CNIH3: variants seen among roughly 807,000 people sequenced by gnomAD.
CNIH3 encodes the protein protein cornichon homolog 3.
CNIH3 carries 14 observed loss-of-function variants against 24.1 expected under a neutral mutation model. That is an observed-to-expected ratio of 0.58 (90% confidence interval 0.38 to 0.91). The LOEUF is 0.91. Among genes scored for constraint, CNIH3 ranks in the 40% least tolerant of loss-of-function variants. CNIH3 has a pLI of 0.00. For synonymous variants in CNIH3, 68 were observed against 73.8 expected (o/e 0.92, Z 0.40); for missense variants, 178 against 196.8 (o/e 0.90, Z 0.57).
chr1:224,669,901 A>G (rs1408120274), intron 1 of CNIH3, among the ~76,000 whole-genome samples: 2 of 152,166 alleles, frequency 1.3e-5, no homozygotes, highest in Non-Finnish European at 2.9e-5. Flanking sequence ...GCCGACTTGC[A>G]TGGTATGTGT....
chr1:224,708,500 C>T lies in CNIH3; in HGVS notation c.199-21962C>T, dbSNP rs968484892. On this transcript the variant is annotated intron_variant, in intron 3 of 5. Transcript: ENST00000272133. ...ATTCTGGAAAGAGTCCCTTGCACTC[C>T]CCGCCTGCGCTTCCTGACTCCTACG... is the stretch of plus-strand genomic sequence containing the variant. Among the ~76,000 whole-genome samples the T allele has an allele frequency of 5.8e-4, 89 of 152,156 alleles. 2 individuals are homozygous for T. The highest frequency in any genetic ancestry group is 2.1e-3 in the African/African-American group (87 of 41,416).
intron 1 of CNIH3, among the ~76,000 whole-genome samples, chr1:224,656,091 G>A (rs904144438): frequency 6.6e-6 from 1 of 152,158 alleles, no homozygotes; most frequent in Non-Finnish European, 1.5e-5. Flanking sequence ...GGCAGTTTCA[G>A]TCCCTCCCCT....
At chr1:224,735,110 C>G (rs1054753596) in intron 5 of CNIH3, among the ~76,000 whole-genome samples, 3 of 152,134 alleles carry the variant, frequency 2.0e-5, no homozygotes, top group Non-Finnish European at 2.9e-5. Context: ...GTCCCTTGCC[C>G]CAAGGATTCT....
intron 2 of CNIH3, among the ~76,000 whole-genome samples, chr1:224,522,618 C>T (rs1572407920): frequency 6.6e-6 from 1 of 152,186 alleles, no homozygotes; most frequent in Non-Finnish European, 1.5e-5. Flanking sequence ...AAGAGATTGA[C>T]AGGGCATTTC....
rs556177080 is a variant in CNIH3 at position 224,549,688 on chromosome 1, G to A, written n.450+2749G>A. Among the ~76,000 whole-genome samples, 4 of 152,096 alleles carry A rather than the reference G, an allele frequency of 2.6e-5. No individual in the cohort carries two copies. In the South Asian group the frequency reaches 8.3e-4, roughly 32 times the overall value. ...TGATATTTCACTAATACCACAGGGT[G>A]TAAACACTGGATATTATAAAACTAT... On this transcript the variant is annotated intron_variant and non_coding_transcript_variant, in intron 3 of 5. Transcript: ENST00000471578.
At chr1:224,738,047 A>G (rs1014495099) in intron 5 of CNIH3, among the ~76,000 whole-genome samples, 3 of 152,040 alleles carry the variant, frequency 2.0e-5, no homozygotes, top group African/African-American at 7.2e-5. Context: ...CTCTCCATCT[A>G]TGTTATTTAT....
chr1:224,556,383 C>G (rs1438486536), intron 3 of CNIH3, among the ~76,000 whole-genome samples: 1 of 152,112 alleles, frequency 6.6e-6, no homozygotes, highest in Non-Finnish European at 1.5e-5. Flanking sequence ...GTAATAGTAC[C>G]CGCTTCATAG....
chr1:224,487,708 C>T (rs1054850498), intron 1 of CNIH3, among the ~76,000 whole-genome samples: 15 of 152,170 alleles, frequency 9.9e-5, no homozygotes, highest in East Asian at 5.8e-4. Context: ...CTATTTGAAG[C>T]GGTTCTGGAA....
At chr1:224,596,000 A>G (rs1204333517) in intron 3 of CNIH3, among the ~76,000 whole-genome samples, 1 of 152,248 alleles carries the variant, frequency 6.6e-6, no homozygotes, top group Non-Finnish European at 1.5e-5. Context: ...TGAAGCCACA[A>G]GTGCTGATGG....
At chr1:224,486,543 A>G (rs989575978) in intron 1 of CNIH3, among the ~76,000 whole-genome samples, 11 of 152,208 alleles carry the variant, frequency 7.2e-5, no homozygotes, top group African/African-American at 2.2e-4. Flanking sequence ...TTTTTCCTGT[A>G]TACACACATA....
intron 1 of CNIH3, among the ~76,000 whole-genome samples, chr1:224,510,361 C>T (rs576115761): frequency 6.0e-4 from 91 of 152,078 alleles, no homozygotes; most frequent in African/African-American, 2.0e-3. Flanking sequence ...TGTTTTAAAA[C>T]GATCACTATC....
chr1:224,713,216 A>G (rs12124401), intron 3 of CNIH3, among the ~76,000 whole-genome samples: 35,300 of 152,112 alleles, frequency 0.23, 4,401 homozygotes, highest in East Asian at 0.44. Context: ...ATCATAATCA[A>G]TGCACCTGTA....
chr1:224,553,064 G>A (rs1679991510), intron 3 of CNIH3, among the ~76,000 whole-genome samples: 1 of 147,304 alleles, frequency 6.8e-6, no homozygotes, highest in South Asian at 2.2e-4. Flanking sequence ...GTATACACAG[G>A]GTGTACACCC....
intron 1 of CNIH3, among the ~76,000 whole-genome samples, chr1:224,480,134 C>T (rs537729872): frequency 2.0e-5 from 3 of 152,288 alleles, no homozygotes; most frequent in South Asian, 2.1e-4. Flanking sequence ...TCTGCGCACC[C>T]GTAGGCTCAA....
At chr1:224,667,253 T>C (rs1172496001) in intron 1 of CNIH3, among the ~76,000 whole-genome samples, 1 of 152,220 alleles carries the variant, frequency 6.6e-6, no homozygotes, top group African/African-American at 2.4e-5. Context: ...TCTATCTTTG[T>C]GTCTTGGGGC....
chr1:224,698,184 A>G (rs543010496), intron 3 of CNIH3, among the ~76,000 whole-genome samples: 1 of 152,362 alleles, frequency 6.6e-6, no homozygotes, highest in East Asian at 1.9e-4. Flanking sequence ...AAGACCCAGC[A>G]GTAGACAAGA....
intron 3 of CNIH3, among the ~76,000 whole-genome samples, chr1:224,601,633 A>C (rs1220067744): frequency 2.0e-5 from 3 of 152,132 alleles, no homozygotes; most frequent in African/African-American, 7.2e-5. Flanking sequence ...ACCTACTGTA[A>C]CACTAGGATG....
At chr1:224,518,182 G>T (rs908580309) in intron 1 of CNIH3, among the ~76,000 whole-genome samples, 4 of 152,166 alleles carry the variant, frequency 2.6e-5, no homozygotes, top group African/African-American at 9.7e-5. Context: ...AGACTGCAGC[G>T]ATTCATGAAC....
intron 1 of CNIH3, among the ~76,000 whole-genome samples, chr1:224,652,703 A>T (rs1360050561): frequency 6.6e-6 from 1 of 152,190 alleles, no homozygotes; most frequent in African/African-American, 2.4e-5. Context: ...AAGGACAGCA[A>T]GGGGGCTCCA....
Sources: allele counts gnomAD v4.1 joint callset (sites outside exome capture counted in the v4.1 genomes callset), GRCh38; gene constraint gnomAD v4.1.1; transcripts MANE v1.5; gene names NCBI Gene and HGNC (gene_info 2026-07-23, HGNC 2026-07-21).